Variants in PHLDB2 observed in about 807,000 individuals in gnomAD.
PHLDB2 encodes pleckstrin homology like domain family B member 2.
A neutral mutation model predicts 123.6 loss-of-function variants in PHLDB2; 71 were observed. The observed-to-expected ratio is 0.57, with a 90% confidence interval of 0.47 to 0.70. PHLDB2 has a LOEUF of 0.70. Among genes scored for constraint, PHLDB2 ranks in the 30% least tolerant of loss-of-function variants. The pLI is 0.00. For synonymous variants in PHLDB2, 547 were observed against 541.6 expected (o/e 1.01, Z -0.14); for missense variants, 1,446 against 1,519.5 (o/e 0.95, Z 0.80).
chr3:111,834,548 T>G (rs949466654), intron 1 of PHLDB2, among the ~76,000 whole-genome samples: 1 of 151,736 alleles, frequency 6.6e-6, no homozygotes, highest in Non-Finnish European at 1.5e-5. Flanking sequence ...GATGGTATTA[T>G]AGTTTCTCAA....
rs190493829 is a variant in PHLDB2 at position 111,883,650 on chromosome 3, T to G, written c.-14-414T>G. 6.6e-5 allele frequency among the ~76,000 whole-genome samples: 10 copies of G among 152,328 alleles called. No homozygotes were observed. The East Asian group carries it at 1.9e-3, about 29-fold the overall frequency. ...TCCTCAGGACTTTATTTCTGAACAGTTAATGATTCTAGCAGAGACAGCTAT... is the reference window on the plus strand; with the variant it reads ...TCCTCAGGACTTTATTTCTGAACAGGTAATGATTCTAGCAGAGACAGCTAT... On this transcript the variant is annotated intron_variant, in intron 1 of 17. Transcript: ENST00000431670.
chr3:111,875,380 T>C (rs1261192637), intron 1 of PHLDB2, among the ~76,000 whole-genome samples: 1 of 151,644 alleles, frequency 6.6e-6, no homozygotes, highest in Non-Finnish European at 1.5e-5. Context: ...GAACTCCCAC[T>C]GTTAGGTGAT....
intron 1 of PHLDB2, among the ~76,000 whole-genome samples, chr3:111,872,296 G>A (rs893720087): frequency 4.6e-5 from 7 of 152,032 alleles, no homozygotes; most frequent in East Asian, 1.9e-4. Context: ...TTTTGTTTAC[G>A]TAAAATATAC....
intron 1 of PHLDB2, among the ~76,000 whole-genome samples, chr3:111,871,369 C>T (rs973221540): frequency 3.3e-5 from 5 of 152,120 alleles, no homozygotes; most frequent in Non-Finnish European, 5.9e-5. Context: ...GTTCTTGGCC[C>T]GGCATGGTGG....
intron 6 of PHLDB2, among the ~76,000 whole-genome samples, chr3:111,938,845 C>T (rs891754339): frequency 2.0e-5 from 3 of 151,976 alleles, no homozygotes; most frequent in Non-Finnish European, 4.4e-5. Flanking sequence ...GACAGAGTTT[C>T]ACCCTTGTCG....
At chr3:111,962,929 C>CAAAAAAAAAAAAAAAAAAAA (rs57625439) in intron 13 of PHLDB2, among the ~76,000 whole-genome samples, 9 of 93,820 alleles carry the variant, frequency 9.6e-5, no homozygotes, top group South Asian at 4.4e-4. Flanking sequence ...AACTCCATCT[C>CAAAAAAAAAAAAAAAAAAAA]AAAAAAAAAA....
At chr3:111,796,593 G>A (rs868578773) in intron 1 of PHLDB2, among the ~76,000 whole-genome samples, 4 of 152,120 alleles carry the variant, frequency 2.6e-5, no homozygotes, top group Middle Eastern at 3.2e-3. Context: ...AAGTGCAGTG[G>A]CATGATCTTG....
intron 1 of PHLDB2, among the ~76,000 whole-genome samples, chr3:111,829,436 ATTTCTT>A (rs755899848): frequency 1.6e-3 from 223 of 137,502 alleles, no homozygotes; most frequent in South Asian, 6.7e-3. Context: ...AACATCTGAT[ATTTCTT>A]TTTCTTTTTC....
At chr3:111,870,924 TCA>T (rs2065308613) in intron 1 of PHLDB2, among the ~76,000 whole-genome samples, 3 of 152,190 alleles carry the variant, frequency 2.0e-5, no homozygotes, top group African/African-American at 7.2e-5. Flanking sequence ...GGACTCCAAG[TCA>T]GCGTCTCTGC....
intron 9 of PHLDB2, among the ~76,000 whole-genome samples, chr3:111,945,809 C>T (rs1251626687): frequency 6.6e-6 from 1 of 151,840 alleles, no homozygotes. Context: ...CTTTCTTTTC[C>T]CTATTTCCCC....
chr3:111,736,485 T>C (rs1481653843), intron 1 of PHLDB2, among the ~76,000 whole-genome samples: 1 of 152,202 alleles, frequency 6.6e-6, no homozygotes, highest in Non-Finnish European at 1.5e-5. Context: ...TCAATACAGG[T>C]GAATGGCCTT....
chr3:111,848,299 G>T (rs1035563102), intron 2 of PHLDB2, among the ~76,000 whole-genome samples: 4 of 152,088 alleles, frequency 2.6e-5, no homozygotes, highest in African/African-American at 9.7e-5. Context: ...CAAGGGTAAG[G>T]TTACCCCCCG....
intron 1 of PHLDB2, among the ~76,000 whole-genome samples, chr3:111,790,412 AG>A (rs911042248): frequency 1.3e-5 from 2 of 152,200 alleles, no homozygotes; most frequent in Non-Finnish European, 2.9e-5. Flanking sequence ...AGATCTTGAA[AG>A]GTTTAATATA....
chr3:111,886,891 A>G (rs2066197433), intron 2 of PHLDB2, among the ~76,000 whole-genome samples: 1 of 152,226 alleles, frequency 6.6e-6, no homozygotes. Flanking sequence ...TAATTAGCAT[A>G]CAAAAGTCTT....
chr3:111,747,403 A>G (rs937792153), intron 1 of PHLDB2, among the ~76,000 whole-genome samples: 2 of 152,148 alleles, frequency 1.3e-5, no homozygotes, highest in Admixed American at 6.5e-5. Context: ...ATTGGTAAAT[A>G]TATTTATAAA....
intron 7 of PHLDB2, 23 bp from the exon 8 acceptor site, chr3:111,940,512 T>A (rs1447432711): frequency 7.0e-7 from 1 of 1,432,934 alleles, no homozygotes; most frequent in Admixed American, 1.8e-5. Context: ...TACATCTTCC[T>A]ATGATCATCT....
intron 1 of PHLDB2, among the ~76,000 whole-genome samples, chr3:111,831,026 A>AAAGG (rs1488855498): frequency 3.2e-4 from 25 of 78,686 alleles, no homozygotes; most frequent in African/African-American, 8.5e-4. Flanking sequence ...AGAAAGAAAG[A>AAAGG]AAGAAAGGAA....
intron 1 of PHLDB2, among the ~76,000 whole-genome samples, chr3:111,832,535 C>T (rs72936500): frequency 0.17 from 24,596 of 148,066 alleles, 4,326 homozygotes; most frequent in African/African-American, 0.43. Context: ...GGCTTTTTCC[C>T]GCTGTTAACA....
chr3:111,932,970 A>T (rs747524887), intron 6 of PHLDB2, among the ~76,000 whole-genome samples: 1 of 152,242 alleles, frequency 6.6e-6, no homozygotes, highest in African/African-American at 2.4e-5. Context: ...TGAGCTTCAT[A>T]ATTTCTAAGA....
Sources: allele counts gnomAD v4.1 joint callset (sites outside exome capture counted in the v4.1 genomes callset), GRCh38; gene constraint gnomAD v4.1.1; transcripts MANE v1.5; gene names NCBI Gene and HGNC (gene_info 2026-07-23, HGNC 2026-07-21).